SAMTOR: variants seen among roughly 807,000 people sequenced by gnomAD.
The protein encoded by SAMTOR is S-adenosylmethionine sensor upstream of mTORC1, also known as UPF0532 protein C7orf60.
the SAMTOR span, among the ~76,000 whole-genome samples, chr7:112,844,470 T>C: frequency 6.6e-6 from 1 of 151,096 alleles, no homozygotes; most frequent in Non-Finnish European, 1.5e-5. Context: ...ATCACTAGCA[T>C]TTCTATACAC....
At chr7:112,867,900 C>A in the SAMTOR span, among the ~76,000 whole-genome samples, 81 of 152,224 alleles carry the variant, frequency 5.3e-4, 3 homozygotes, top group East Asian at 0.012. Context: ...AGGAGGTGAG[C>A]GGCCAGTAAG....
the SAMTOR span, among the ~76,000 whole-genome samples, chr7:112,884,398 G>A: frequency 6.6e-6 from 1 of 152,154 alleles, no homozygotes; most frequent in Non-Finnish European, 1.5e-5. Flanking sequence ...GACAAGGCAA[G>A]TCCCTTCTGC....
chr7:112,937,555 A>T, the SAMTOR span, among the ~76,000 whole-genome samples: 1 of 151,620 alleles, frequency 6.6e-6, no homozygotes, highest in African/African-American at 2.4e-5. Flanking sequence ...TGACTTTTTT[A>T]CTACTAATAT....
the SAMTOR span, among the ~76,000 whole-genome samples, chr7:112,861,250 T>A: frequency 6.6e-6 from 1 of 152,202 alleles, no homozygotes; most frequent in East Asian, 1.9e-4. Flanking sequence ...TGGTAGGACA[T>A]GTTTCTTTAA....
At chr7:112,900,120 A>G in the SAMTOR span, among the ~76,000 whole-genome samples, 1 of 152,272 alleles carries the variant, frequency 6.6e-6, no homozygotes, top group African/African-American at 2.4e-5. Context: ...TTATATCTGT[A>G]CATATATATA....
chr7:112,923,313 C>G, the SAMTOR span, among the ~76,000 whole-genome samples: 1 of 151,826 alleles, frequency 6.6e-6, no homozygotes, highest in African/African-American at 2.4e-5. Flanking sequence ...ACTCCCTAAT[C>G]TCAAGTACCC....
chr7:112,905,429 C>T, the SAMTOR span, among the ~76,000 whole-genome samples: 1 of 151,990 alleles, frequency 6.6e-6, no homozygotes, highest in African/African-American at 2.4e-5. Context: ...ACCATAGAAA[C>T]AAAAACATTT....
chr7:112,905,461 G>A, the SAMTOR span, among the ~76,000 whole-genome samples: 6 of 152,054 alleles, frequency 3.9e-5, no homozygotes, highest in East Asian at 1.2e-3. Context: ...TTTTCAGGGA[G>A]CAAAATTACA....
At chr7:112,917,038 G>T in the SAMTOR span, among the ~76,000 whole-genome samples, 1 of 152,228 alleles carries the variant, frequency 6.6e-6, no homozygotes, top group Admixed American at 6.5e-5. Flanking sequence ...CAAACAAAAA[G>T]ACAGCAGTAA....
At chr7:112,933,613 A>G in the SAMTOR span, among the ~76,000 whole-genome samples, 1 of 152,226 alleles carries the variant, frequency 6.6e-6, no homozygotes, top group African/African-American at 2.4e-5. Flanking sequence ...TGTGAAAAAC[A>G]ATTTGAACTC....
the SAMTOR span, among the ~76,000 whole-genome samples, chr7:112,920,004 G>A: frequency 0.11 from 16,671 of 151,692 alleles, 1,207 homozygotes; most frequent in Middle Eastern, 0.32. Flanking sequence ...ATTCACAGCC[G>A]AATTCTACCA....
the SAMTOR span, among the ~76,000 whole-genome samples, chr7:112,909,425 T>C: frequency 6.6e-6 from 1 of 152,172 alleles, no homozygotes; most frequent in Non-Finnish European, 1.5e-5. Flanking sequence ...CATGTAAATG[T>C]TTTATATTCT....
chr7:112,838,284 A>G, the SAMTOR span, among the ~76,000 whole-genome samples: 1 of 151,928 alleles, frequency 6.6e-6, no homozygotes, highest in African/African-American at 2.4e-5. Context: ...GACTGTGTGT[A>G]GGTATTTTCA....
At chr7:112,819,380 ACTT>A in the SAMTOR span, 6 of 152,422 alleles carry the variant, frequency 3.9e-5, no homozygotes, top group Non-Finnish European at 7.4e-5. Context: ...AGGCCTCATA[ACTT>A]CTTTATATCC....
At chr7:112,888,116 G>A in the SAMTOR span, among the ~76,000 whole-genome samples, 2 of 152,222 alleles carry the variant, frequency 1.3e-5, no homozygotes, top group Middle Eastern at 6.8e-3. Context: ...CAAATTTGAT[G>A]AGGTATGTTT....
chr7:112,840,687 C>T, the SAMTOR span, among the ~76,000 whole-genome samples: 1 of 151,698 alleles, frequency 6.6e-6, no homozygotes, highest in African/African-American at 2.4e-5. Flanking sequence ...ATAATTTTGG[C>T]TTTCCAAATG....
the SAMTOR span, among the ~76,000 whole-genome samples, chr7:112,887,094 C>T: frequency 6.6e-6 from 1 of 151,806 alleles, no homozygotes; most frequent in Non-Finnish European, 1.5e-5. Flanking sequence ...TGAACCAGGA[C>T]CTGGGAGGCA....
At chr7:112,896,913 G>A in the SAMTOR span, among the ~76,000 whole-genome samples, 1 of 152,160 alleles carries the variant, frequency 6.6e-6, no homozygotes, top group South Asian at 2.1e-4. Flanking sequence ...GCAAAGACAT[G>A]AAAGAGAAAA....
At chr7:112,900,524 T>G in the SAMTOR span, among the ~76,000 whole-genome samples, 1 of 152,234 alleles carries the variant, frequency 6.6e-6, no homozygotes, top group African/African-American at 2.4e-5. Context: ...AATATCTGCG[T>G]ACCTTTTGAA....
Sources: gnomAD v4.1 joint callset for allele counts (sites outside exome capture counted in the v4.1 genomes callset) on GRCh38, gnomAD v4.1.1 for gene constraint, MANE v1.5 for transcripts, NCBI Gene and HGNC (gene_info 2026-07-23, HGNC 2026-07-21) for gene names.